Variants in SLC20A2 observed in about 807,000 individuals in gnomAD.
The protein encoded by SLC20A2 is solute carrier family 20 member 2.
A neutral mutation model predicts 61.0 loss-of-function variants in SLC20A2; 30 were observed. The ratio of observed to expected loss-of-function variants is 0.49; its 90% CI spans 0.37 to 0.67. The LOEUF is 0.67. SLC20A2 is among the 30% of genes least tolerant of loss of function. The probability of loss-of-function intolerance (pLI) is 0.00; values close to 1 mark genes in which losing one functional copy is unlikely to be tolerated. For missense variants in SLC20A2, 626 were observed against 866.4 expected, an observed-to-expected ratio of 0.72 and a Z score of 3.48; for synonymous variants, 351 against 353.3, an observed-to-expected ratio of 0.99 and a Z score of 0.07.
At chr8:42,479,939 T>C (rs1445143568) in intron 1 of SLC20A2, among the ~76,000 whole-genome samples, 1 of 152,196 alleles carries the variant, frequency 6.6e-6, no homozygotes, top group East Asian at 1.9e-4. Context: ...TGGGTGCTCT[T>C]TATGACATCA....
Position 42,437,049 on chromosome 8 carries a change from T to C in SLC20A2, c.1463A>G (p.His488Arg). ...ACAGGCGGTGAGGACCTGCAGGAAA[T>C]GGAACAGGAGGTGAACCTCGGGTGC... The part of the protein sequence containing the change: ...KDAPEVHLLF[H>R]FLQVLTACFG... Residue 488 changes from histidine (H) to arginine (R), a missense_variant, in exon 8 of 11, where the codon CAT (histidine) becomes CGT (arginine). By Grantham distance (29) the His-to-Arg change is conservative. Around this residue, in one of 3 missense-constraint regions of SLC20A2, gnomAD observed 138 missense variants for 228.7 expected, o/e 0.60. Transcript: ENST00000520262. This position sits in a 1 kb window ranked among gnomAD's most constrained non-coding sequence, Gnocchi z 6.4. 6.2e-7 allele frequency: 1 copy of C among 1,614,036 alleles called. No individual in the cohort carries two copies. The highest frequency in any genetic ancestry group is 2.2e-5 in the East Asian group (1 of 44,870).
chr8:42,433,267 C>T (rs964622056), intron 8 of SLC20A2, among the ~76,000 whole-genome samples: 1 of 152,202 alleles, frequency 6.6e-6, no homozygotes, highest in East Asian at 1.9e-4. Context: ...CACCATCCTA[C>T]TTTCTAGTTC....
In SLC20A2 at chr8:42,472,439, TAA is replaced by T. The variant is rs780914958; in HGVS notation, c.-51_-50del. On this transcript the variant is annotated 5_prime_UTR_variant, in exon 2 of 11. Coordinates refer to ENST00000520262, the MANE Select transcript of SLC20A2 (RefSeq NM_001257180.2). This position sits in a 1 kb window ranked among gnomAD's most constrained non-coding sequence, Gnocchi z 4.1. ...TTTTCTTTTGCAGGAATATTTTAAA[TAA>T]ACAAAGCTTGAGGTTATAAACTTCG... 1 of 1,557,340 alleles carries T rather than the reference TAA, an allele frequency of 6.4e-7. No homozygotes were observed. Among genetic ancestry groups the T allele is most frequent in the South Asian group, 1.2e-5 (1 of 85,396 alleles).
At chr8:42,504,345 G>T (rs1434875641), upstream of SLC20A2, among the ~76,000 whole-genome samples, 3 of 152,160 alleles carry the variant, frequency 2.0e-5, no homozygotes, top group Admixed American at 6.5e-5. Context: ...AAAGGAGTCT[G>T]TGTCTCAAAA....
chr8:42,528,216 C>A (rs1319270896), intron 1 of SLC20A2, among the ~76,000 whole-genome samples: 1 of 152,150 alleles, frequency 6.6e-6, no homozygotes, highest in African/African-American at 2.4e-5. Flanking sequence ...AATCCCAGAA[C>A]TTTGGGAGGC....
chr8:42,462,414 T>C (rs1283106068), intron 4 of SLC20A2, among the ~76,000 whole-genome samples: 1 of 152,180 alleles, frequency 6.6e-6, no homozygotes, highest in African/African-American at 2.4e-5. Context: ...TCAATAGTTA[T>C]CAAACACTGC....
At chr8:42,443,448 T>C (rs1413428745) in intron 6 of SLC20A2, among the ~76,000 whole-genome samples, 2 of 151,406 alleles carry the variant, frequency 1.3e-5, no homozygotes, top group African/African-American at 4.8e-5. Context: ...CCCGAGTAGC[T>C]GGGACTACAG....
chr8:42,484,503 A>C (rs1477801963), intron 1 of SLC20A2: 1 of 153,564 alleles, frequency 6.5e-6, no homozygotes, highest in African/African-American at 2.4e-5. Flanking sequence ...ACATTTTATA[A>C]GATTTCTTTG....
intron 1 of SLC20A2, among the ~76,000 whole-genome samples, chr8:42,526,735 G>GTAA (rs1218598958): frequency 1.3e-5 from 2 of 151,564 alleles, no homozygotes; most frequent in Non-Finnish European, 2.9e-5. Flanking sequence ...TGAAATTTTG[G>GTAA]TAATAATAAT....
chr8:42,478,404 G>GC (rs1259604524), intron 1 of SLC20A2, among the ~76,000 whole-genome samples: 2 of 151,642 alleles, frequency 1.3e-5, no homozygotes, highest in African/African-American at 2.4e-5. Flanking sequence ...TAGAGACAGG[G>GC]TTTCACCATG....
intron 1 of SLC20A2, among the ~76,000 whole-genome samples, chr8:42,487,531 C>T (rs1809130131): frequency 6.6e-6 from 1 of 152,168 alleles, no homozygotes; most frequent in African/African-American, 2.4e-5. Flanking sequence ...TCTGTCGGTT[C>T]TCCCACTGAT....
intron 8 of SLC20A2, among the ~76,000 whole-genome samples, chr8:42,433,822 G>A (rs1804042266): frequency 6.6e-6 from 1 of 152,160 alleles, no homozygotes; most frequent in Non-Finnish European, 1.5e-5. Context: ...TGAACATGTG[G>A]TACAAATATC....
At chr8:42,484,825 C>T (rs549681379) in intron 1 of SLC20A2, 5 of 329,566 alleles carry the variant, frequency 1.5e-5, no homozygotes, top group African/African-American at 4.4e-5. Context: ...TTCCAGACCC[C>T]GAGGGCATCC....
chr8:42,538,220 T>G (rs1812830419), intron 1 of SLC20A2: 1 of 148,646 alleles, frequency 6.7e-6, no homozygotes, highest in Non-Finnish European at 1.5e-5. Flanking sequence ...TCTGTATATA[T>G]ACATGTATAT....
intron 10 of SLC20A2, among the ~76,000 whole-genome samples, chr8:42,420,154 C>A (rs1802948305): frequency 6.6e-6 from 1 of 151,612 alleles, no homozygotes; most frequent in Admixed American, 6.6e-5. Flanking sequence ...CCACTGCACT[C>A]CAGCCTGGGT....
intron 1 of SLC20A2, among the ~76,000 whole-genome samples, chr8:42,491,505 C>CAA (rs753819050): frequency 1.9e-5 from 2 of 106,114 alleles, no homozygotes; most frequent in African/African-American, 3.5e-5. Flanking sequence ...ACTTCGTCTC[C>CAA]AAAAAAAAAA....
At chr8:42,455,629 G>A (rs1806138320) in intron 5 of SLC20A2, among the ~76,000 whole-genome samples, 1 of 151,442 alleles carries the variant, frequency 6.6e-6, no homozygotes, top group Non-Finnish European at 1.5e-5. Flanking sequence ...GAGCCTAGGT[G>A]ACAGAATGAC....
intron 1 of SLC20A2, chr8:42,484,629 C>A: frequency 3.8e-6 from 1 of 264,988 alleles, no homozygotes. Context: ...GCAGGAGAGG[C>A]CATGGGTGCA....
intron 1 of SLC20A2, among the ~76,000 whole-genome samples, chr8:42,530,146 T>A (rs1306518071): frequency 6.6e-6 from 1 of 152,070 alleles, no homozygotes; most frequent in Admixed American, 6.6e-5. Context: ...GGTGAAAAAT[T>A]TACCCAACCT....
Sources: allele counts gnomAD v4.1 joint callset (sites outside exome capture counted in the v4.1 genomes callset), GRCh38; gene constraint gnomAD v4.1.1; regional missense constraint gnomAD v4.1.1; non-coding constraint Gnocchi (gnomAD v3.1); transcripts MANE v1.5; gene names NCBI Gene and HGNC (gene_info 2026-07-23, HGNC 2026-07-21).